Variants in ASCC3 observed in about 807,000 individuals in gnomAD.
ASCC3 encodes the protein ASC-1 complex subunit P200.
A neutral mutation model predicts 256.3 loss-of-function variants in ASCC3; 158 were observed. The ratio of observed to expected loss-of-function variants is 0.62; its 90% confidence interval spans 0.54 to 0.70. ASCC3 has a LOEUF of 0.70. Among genes scored for constraint, ASCC3 ranks in the 30% least tolerant of loss-of-function variants. The pLI, the probability that ASCC3 is intolerant of heterozygous loss-of-function variation, is 0.00. For synonymous variants in ASCC3, 948 were observed against 883.4 expected, an observed-to-expected ratio of 1.07 and a Z score of -1.30; for missense variants, 2,259 against 2,626.0, an observed-to-expected ratio of 0.86 and a Z score of 3.05.
intron 36 of ASCC3, among the ~76,000 whole-genome samples, chr6:100,579,444 TG>T (rs1471504381): frequency 6.6e-6 from 1 of 152,130 alleles, no homozygotes; most frequent in Non-Finnish European, 1.5e-5. Flanking sequence ...TGGTATTTCC[TG>T]GGTTATCTTC....
intron 3 of ASCC3, among the ~76,000 whole-genome samples, chr6:100,855,507 G>A (rs1348002809): frequency 6.6e-6 from 1 of 152,144 alleles, no homozygotes; most frequent in Non-Finnish European, 1.5e-5. Context: ...AAGTACTCTT[G>A]ATTTTTATAA....
intron 17 of ASCC3, among the ~76,000 whole-genome samples, chr6:100,653,762 C>T (rs1011825445): frequency 6.6e-6 from 1 of 151,878 alleles, no homozygotes; most frequent in Non-Finnish European, 1.5e-5. Flanking sequence ...AAAACTATTA[C>T]TTATCTAATA....
intron 4 of ASCC3, among the ~76,000 whole-genome samples, chr6:100,821,738 T>C (rs879438325): frequency 8.6e-5 from 13 of 151,904 alleles, no homozygotes; most frequent in South Asian, 2.1e-4. Flanking sequence ...GCAAGAGAAC[T>C]GCTTGAACCC....
chr6:100,876,109 C>T (rs887652977), intron 1 of ASCC3, among the ~76,000 whole-genome samples: 2 of 151,854 alleles, frequency 1.3e-5, no homozygotes, highest in Non-Finnish European at 2.9e-5. Context: ...GCGAGAATGA[C>T]AACAAAAGCA....
intron 14 of ASCC3, among the ~76,000 whole-genome samples, chr6:100,663,827 G>C (rs1776342511): frequency 6.6e-6 from 1 of 152,068 alleles, no homozygotes; most frequent in South Asian, 2.1e-4. Flanking sequence ...CTTTAAATTT[G>C]TGGGTGGAAG....
intron 8 of ASCC3, among the ~76,000 whole-genome samples, chr6:100,796,697 G>A (rs1448006071): frequency 6.6e-6 from 1 of 152,134 alleles, no homozygotes; most frequent in East Asian, 1.9e-4. Context: ...AACAAAATCT[G>A]CTAGCACCAC....
intron 34 of ASCC3, among the ~76,000 whole-genome samples, chr6:100,592,611 A>T (rs1772061500): frequency 6.6e-6 from 1 of 152,116 alleles, no homozygotes; most frequent in South Asian, 2.1e-4. Flanking sequence ...GGAATAGAGT[A>T]CAGATTTATA....
intron 13 of ASCC3, among the ~76,000 whole-genome samples, chr6:100,714,146 T>G (rs1236959597): frequency 6.6e-6 from 1 of 152,146 alleles, no homozygotes; most frequent in Non-Finnish European, 1.5e-5. Flanking sequence ...CCATAGCCGC[T>G]TTCATGCTAA....
intron 26 of ASCC3, 110 bp from the exon 27 acceptor site, chr6:100,629,291 T>G: frequency 3.1e-6 from 3 of 973,234 alleles, no homozygotes; most frequent in Non-Finnish European, 4.5e-6. Context: ...TTAAAATTAC[T>G]TTATCTACCT....
At chr6:100,692,904 ACTT>A (rs1562230575) in intron 13 of ASCC3, among the ~76,000 whole-genome samples, 1 of 152,090 alleles carries the variant, frequency 6.6e-6, no homozygotes, top group African/African-American at 2.4e-5. Context: ...TCTTTGAAAT[ACTT>A]TTTTTATAAA....
At position 100,540,364 on chromosome 6, in the gene ASCC3, C is replaced by T. The variant is rs781036874; in HGVS notation, c.5574G>A (p.Leu1858=). The change falls in exon 37 of 42, where the codon TTG becomes TTA. Residue 1858 remains leucine, a synonymous_variant. Coordinates refer to ENST00000369162, the MANE Select transcript of ASCC3 (RefSeq NM_006828.4). ...TATGATCTTCATTGTGTCTCACTGGCAAATCTGTATATTCTTCTGCATCCT... is the reference window on the plus strand; with the variant it reads ...TATGATCTTCATTGTGTCTCACTGGTAAATCTGTATATTCTTCTGCATCCT... ...ILSDAEEYTD[L]PVRHNEDHMN... 1 of 1,591,164 alleles carries T rather than the reference C, an allele frequency of 6.3e-7. No homozygotes were observed. The highest frequency in any genetic ancestry group is 2.3e-5 in the East Asian group (1 of 44,172).
intron 25 of ASCC3, among the ~76,000 whole-genome samples, chr6:100,631,596 A>G (rs750063193): frequency 4.0e-5 from 6 of 151,772 alleles, no homozygotes; most frequent in African/African-American, 1.4e-4. Flanking sequence ...CTGATAAAAA[A>G]TTTTTTCTAT....
chr6:100,651,458 G>T, intron 19 of ASCC3, 102 bp downstream of exon 19: 1 of 469,564 alleles, frequency 2.1e-6, no homozygotes, highest in Non-Finnish European at 3.7e-6. Flanking sequence ...TATTCCAAAT[G>T]TGATGTGCCA....
In ASCC3 at chr6:100,783,328, A is replaced by G. The variant is rs1228283610; in HGVS notation, c.1395+15385T>C. Among the ~76,000 whole-genome samples, 3 of 152,188 alleles carry G rather than the reference A, an allele frequency of 2.0e-5. No individual in the cohort carries two copies. The East Asian group carries it at 5.8e-4, about 29-fold the overall frequency. On this transcript the variant is annotated intron_variant, in intron 8 of 41. Coordinates refer to ENST00000369162, the MANE Select transcript of ASCC3 (RefSeq NM_006828.4). ...AGTTTAGACACAGAAGAAAACAGCA[A>G]GTGTTCTTTCTACCTCCAATATTTG...
chr6:100,545,297 C>A (rs750063246), intron 36 of ASCC3, among the ~76,000 whole-genome samples: 5 of 152,130 alleles, frequency 3.3e-5, no homozygotes, highest in Admixed American at 1.3e-4. Flanking sequence ...CTTGCCCCAG[C>A]CTCCCAAGTA....
At chr6:100,621,927 T>C (rs1015765722) in intron 30 of ASCC3, among the ~76,000 whole-genome samples, 1 of 152,178 alleles carries the variant, frequency 6.6e-6, no homozygotes, top group East Asian at 1.9e-4. Context: ...AATGAGATCA[T>C]GTCCTTTGCA....
intron 4 of ASCC3, among the ~76,000 whole-genome samples, chr6:100,831,589 T>C (rs373722023): frequency 1.6e-4 from 24 of 152,026 alleles, no homozygotes; most frequent in East Asian, 1.4e-3. Context: ...TCTGCGTTCA[T>C]GAAAAAAAAG....
At chr6:100,571,853 T>C (rs1317893853) in intron 36 of ASCC3, among the ~76,000 whole-genome samples, 2 of 152,220 alleles carry the variant, frequency 1.3e-5, no homozygotes, top group African/African-American at 4.8e-5. Context: ...AGCAGGTTTG[T>C]TTTGTAACTT....
At chr6:100,658,985 G>A (rs751629421) in intron 16 of ASCC3, among the ~76,000 whole-genome samples, 16 of 151,388 alleles carry the variant, frequency 1.1e-4, no homozygotes, top group Non-Finnish European at 2.4e-4. Flanking sequence ...CTTTATATAT[G>A]GATGGGACTT....
Sources: allele counts gnomAD v4.1 joint callset (sites outside exome capture counted in the v4.1 genomes callset), GRCh38; gene constraint gnomAD v4.1.1; transcripts MANE v1.5; gene names NCBI Gene and HGNC (gene_info 2026-07-23, HGNC 2026-07-21).